The following TRAF4 variants were observed in gnomAD, a reference collection of about 807,000 sequenced individuals.
The protein encoded by TRAF4 is TNF receptor associated factor 4, also known as TNF receptor-associated factor 4.
Under a neutral mutation model 47.3 loss-of-function variants are expected in TRAF4, and 9 were observed. That is an observed-to-expected ratio of 0.19 (90% CI 0.11 to 0.33). The LOEUF (loss-of-function observed/expected upper bound fraction) is 0.33. Among genes scored for constraint, TRAF4 ranks in the 10% least tolerant of loss-of-function variants. TRAF4 has a pLI of 1.00. For synonymous variants in TRAF4, 236 were observed against 236.9 expected, an observed-to-expected ratio of 1.00 and a Z score of 0.04; for missense variants, 448 against 620.3, an observed-to-expected ratio of 0.72 and a Z score of 2.95.
chr17:28,747,396 C>A (rs968413198), intron 2 of TRAF4, 132 bp downstream of exon 2: 1 of 1,107,128 alleles, frequency 9.0e-7, no homozygotes, highest in South Asian at 1.6e-5. Context: ...ACAAAGGTAG[C>A]CTGTTCCCTC....
chr17:28,744,156 G>A lies in TRAF4; in HGVS notation c.44G>A (p.Arg15Gln), dbSNP rs752558877. 5 of 1,594,192 alleles carry A rather than the reference G, an allele frequency of 3.1e-6. No homozygotes were observed. Among genetic ancestry groups the A allele is most frequent in the Non-Finnish European group, 2.5e-6 (3 of 1,177,698 alleles). ...DYKFLEKPKR[R>Q]LLCPLCGKPM... is the part of the protein sequence containing the mutation. The stretch of plus-strand genomic sequence containing the variant: ...AAGTTCCTGGAGAAGCCCAAGCGAC[G>A]GCTGCTGTGCCCACTGTGCGGGAAG... The change falls in exon 1 of 7, where the codon CGG (arginine) becomes CAG (glutamine). Residue 15 changes from arginine (R) to glutamine (Q), a missense_variant. Transcript: ENST00000262395.
chr17:28,749,019 G>A lies in TRAF4; in HGVS notation c.855G>A (p.Val285=), dbSNP rs2034560477. The A allele has an allele frequency of 6.2e-6, 10 of 1,613,726 alleles. No homozygotes were observed. The highest frequency in any genetic ancestry group is 5.3e-5 in the African/African-American group (4 of 74,960). Residue 285 remains valine, a synonymous_variant, in exon 7 of 7, where the codon GTG becomes GTA. Transcript: ENST00000262395. ...KPHLAMMCAL[V]SRQRQELQEL... The stretch of plus-strand genomic sequence containing the variant: ...ATCTGGCCATGATGTGTGCCCTGGT[G>A]AGCCGGCAACGGCAGGAGCTGCAGG...
intron 1 of TRAF4, among the ~76,000 whole-genome samples, chr17:28,746,165 G>A (rs2034509706): frequency 6.6e-6 from 1 of 152,240 alleles, no homozygotes; most frequent in African/African-American, 2.4e-5. Context: ...GGGCTCCCAT[G>A]TGGGCTCTGG....
Position 28,748,347 on chromosome 17 carries a change from A to C in TRAF4, c.548A>C (p.His183Pro). ...ARMMRRLLAQ[H>P]ATSECPKRTQ... is the part of the protein sequence containing the mutation. ...ATGATGCGGCGGCTGCTGGCCCAGC[A>C]TGCCACCTCTGAGTGCCCCAAGCGC... Residue 183 changes from histidine to proline, a missense_variant, in exon 5 of 7, where the codon CAT (histidine) becomes CCT (proline). Coordinates refer to ENST00000262395, the MANE Select transcript of TRAF4 (RefSeq NM_004295.4). 1 of 1,613,568 alleles carries C rather than the reference A, an allele frequency of 6.2e-7. No individual in the cohort carries two copies.
chr17:28,749,101 A>T lies in TRAF4; in HGVS notation c.937A>T (p.Lys313Ter). The change falls in exon 7 of 7, where the codon AAG (lysine) becomes TAG (stop). Residue 313 changes from lysine to a stop codon, truncating the protein, a stop_gained. Transcript: ENST00000262395. LOFTEE classifies it high-confidence loss of function. ...SVGSDGVLIWKIGSYGRRLQE... is the reference protein window; with the variant it reads ...SVGSDGVLIW ...GGGCAGTGATGGCGTGCTCATCTGG[A>T]AGATTGGCAGCTATGGACGGCGGCT... is the stretch of plus-strand genomic sequence containing the variant. 1 of 1,614,134 alleles carries T rather than the reference A, an allele frequency of 6.2e-7. No individual in the cohort carries two copies. The highest frequency in any genetic ancestry group is 8.5e-7 in the Non-Finnish European group (1 of 1,180,040).
chr17:28,747,002 G>A (rs2034523520), intron 1 of TRAF4: 1 of 467,130 alleles, frequency 2.1e-6, no homozygotes, highest in Admixed American at 3.8e-5. Flanking sequence ...GCCTCCTCTA[G>A]GCCCAGACCC....
chr17:28,748,612 C>G lies in TRAF4; in HGVS notation c.726C>G (p.Ser242Arg), dbSNP rs1416046580. The G allele has an allele frequency of 7.4e-6, 12 of 1,613,212 alleles. No homozygotes were observed. The South Asian group carries it at 1.3e-4, about 18-fold the overall frequency. ...REDLPGHLKD[S>R]CNTALVLCPF... Reference sequence around the variant, plus strand: ...ACCTGCCAGGCCATCTGAAGGACAGCTGTAACACCGCCCTGGTGCTCTGCC... The same window carrying G: ...ACCTGCCAGGCCATCTGAAGGACAGGTGTAACACCGCCCTGGTGCTCTGCC... Residue 242 changes from serine to arginine, a missense_variant, in exon 6 of 7, where the codon AGC becomes AGG. Coordinates refer to ENST00000262395, the MANE Select transcript of TRAF4 (RefSeq NM_004295.4).
chr17:28,747,724 G>A (rs2151738466), intron 2 of TRAF4, 119 bp from the exon 3 acceptor site: 1 of 920,672 alleles, frequency 1.1e-6, no homozygotes, highest in East Asian at 2.6e-5. Context: ...GAGGGGCAAA[G>A]AGCCCAAGAG....
rs752435116 is a variant in TRAF4 at position 28,748,571 on chromosome 17, A to G, written c.685A>G (p.Thr229Ala). The G allele has an allele frequency of 1.9e-6, 3 of 1,613,358 alleles. No homozygotes were observed. Among genetic ancestry groups the G allele is most frequent in the African/African-American group, 1.3e-5 (1 of 74,932 alleles). The change falls in exon 6 of 7, where the codon ACT (threonine) becomes GCT (alanine). Residue 229 changes from threonine (T) to alanine (A), a missense_variant. Physicochemically the swap from Thr to Ala is moderately conservative, Grantham distance 58 (BLOSUM62 0). Coordinates refer to ENST00000262395, the MANE Select transcript of TRAF4 (RefSeq NM_004295.4). ...CTGCCCCAACCAATGTGGTGTGGGC[A>G]CTGTGGCTCGGGAGGACCTGCCAGG... ...VACPNQCGVG[T>A]VAREDLPGHL...
At position 28,750,065 on chromosome 17, in the gene TRAF4, G is replaced by C. The variant is rs2034580211; in HGVS notation, c.*488G>C. ...GGAGCCCTGATTTTTAATAAATCCG[G>C]AATTGTATTTATTAATTTGCTTCCA... On this transcript the variant is annotated 3_prime_UTR_variant, in exon 7 of 7. Coordinates refer to ENST00000262395, the MANE Select transcript of TRAF4 (RefSeq NM_004295.4). 1.7e-6 allele frequency: 1 copy of C among 583,234 alleles called. No individual in the cohort carries two copies. The highest frequency in any genetic ancestry group is 2.9e-5 in the East Asian group (1 of 35,032). The allele number at this position is 583,234 out of a possible 1,614,324, so 36.1% of individuals were successfully genotyped here. A position where few individuals can be genotyped will look rare whatever the true frequency, so the allele number is the denominator to read the frequency against.
At position 28,750,185 on chromosome 17, in the gene TRAF4, G is replaced by A. The variant is rs949434520; in HGVS notation, c.*608G>A. 4.3e-5 allele frequency: 18 copies of A among 413,958 alleles called. No individual in the cohort carries two copies. The highest frequency in any genetic ancestry group is 4.8e-5 in the Non-Finnish European group (11 of 230,728). The allele number at this position is 413,958 out of a possible 1,614,324, so 25.6% of individuals were successfully genotyped here. On this transcript the variant is annotated 3_prime_UTR_variant, in exon 7 of 7. Coordinates refer to ENST00000262395, the MANE Select transcript of TRAF4 (RefSeq NM_004295.4). ...CAGAGAAGGGCCGCTGCCTGGGTCT[G>A]GCCCCAGGATCCAGCTTACCTGCTG...
In TRAF4 at chr17:28,749,647, A is replaced by T. The variant is rs1341190359; in HGVS notation, c.*70A>T. 36 of 1,577,858 alleles carry T rather than the reference A, an allele frequency of 2.3e-5. No homozygotes were observed. The highest frequency in any genetic ancestry group is 3.0e-5 in the Non-Finnish European group (35 of 1,161,204). On this transcript the variant is annotated 3_prime_UTR_variant, in exon 7 of 7. Transcript: ENST00000262395. ...AGTCAGGCACTGGCTGAACTTGGAGAGGGGGCCGGACCCCCGTCAGCTGCT... is the reference window on the plus strand; with the variant it reads ...AGTCAGGCACTGGCTGAACTTGGAGTGGGGGCCGGACCCCCGTCAGCTGCT...
intron 6 of TRAF4, 122 bp from the exon 7 acceptor site, chr17:28,748,823 C>T: frequency 3.4e-6 from 5 of 1,477,676 alleles, no homozygotes; most frequent in Non-Finnish European, 3.6e-6. Flanking sequence ...TCCTAACACC[C>T]TCTGTCTTCC....
chr17:28,744,276 G>T, intron 1 of TRAF4, 21 bp downstream of exon 1: 3 of 794,760 alleles, frequency 3.8e-6, no homozygotes, highest in Non-Finnish European at 5.8e-6. Context: ...GGGAGCAGGG[G>T]ACAGCGGGGG....
At position 28,749,573 on chromosome 17, in the gene TRAF4, G is replaced by A; in HGVS notation, c.1409G>A (p.Ser470Asn). ...AAVELPRKIL[S>N] is the part of the protein sequence containing the mutation. Reference sequence around the variant, plus strand: ...GTTGAACTGCCCCGGAAGATCCTCAGCTGAGTGCAGGTGGGGTTCGAGGGG... The same window carrying A: ...GTTGAACTGCCCCGGAAGATCCTCAACTGAGTGCAGGTGGGGTTCGAGGGG... Residue 470 changes from serine (S) to asparagine (N), a missense_variant, in exon 7 of 7, where the codon AGC becomes AAC. Transcript: ENST00000262395. 1 of 1,610,628 alleles carries A rather than the reference G, an allele frequency of 6.2e-7. No homozygotes were observed. The highest frequency in any genetic ancestry group is 8.5e-7 in the Non-Finnish European group (1 of 1,178,112).
chr17:28,750,067 A>C lies in TRAF4; in HGVS notation c.*490A>C, dbSNP rs1243294308. The C allele has an allele frequency of 1.7e-6, 1 of 580,024 alleles. No individual in the cohort carries two copies. Among genetic ancestry groups the C allele is most frequent in the African/African-American group, 1.9e-5 (1 of 53,270 alleles). The allele number at this position is 580,024 out of a possible 1,614,324, so 35.9% of individuals were successfully genotyped here. A position where few individuals can be genotyped will look rare whatever the true frequency, so the allele number is the denominator to read the frequency against. On this transcript the variant is annotated 3_prime_UTR_variant, in exon 7 of 7. Transcript: ENST00000262395. ...AGCCCTGATTTTTAATAAATCCGGA[A>C]TTGTATTTATTAATTTGCTTCCAGC...
chr17:28,748,923 T>C (rs1407630892), intron 6 of TRAF4, 22 bp from the exon 7 acceptor site: 5 of 1,593,850 alleles, frequency 3.1e-6, no homozygotes, highest in African/African-American at 1.3e-5. Flanking sequence ...CCTTCCCCCA[T>C]GGCCTGGGGC....
At position 28,748,827 on chromosome 17, in the gene TRAF4, G is replaced by A; in HGVS notation, c.781-118G>A. The A allele has an allele frequency of 8.8e-6, 13 of 1,480,776 alleles. 1 individual carries two copies. In the South Asian group the frequency reaches 1.5e-4, roughly 17 times the overall value. 91.7% of individuals were successfully genotyped at this position (1,480,776 alleles called of 1,614,324 possible). On this transcript the variant is annotated intron_variant, in intron 6 of 6. Coordinates refer to ENST00000262395, the MANE Select transcript of TRAF4 (RefSeq NM_004295.4). ...CTCCAGCCTCTTCCTAACACCCTCTGTCTTCCTCACGTAGAGCTGGGTGCC... is the reference window on the plus strand; with the variant it reads ...CTCCAGCCTCTTCCTAACACCCTCTATCTTCCTCACGTAGAGCTGGGTGCC...
chr17:28,748,430 C>A lies in TRAF4; in HGVS notation c.624+7C>A. ...CGTCTTTGACACCATCCAGGTGAGG[C>A]CTTCCCTGAACTGTGGGTTGCAGGG... On this transcript the variant is annotated splice_region_variant and intron_variant, in intron 5 of 6. Coordinates refer to ENST00000262395, the MANE Select transcript of TRAF4 (RefSeq NM_004295.4). 1.2e-6 allele frequency: 2 copies of A among 1,605,622 alleles called. No individual in the cohort carries two copies. The highest frequency in any genetic ancestry group is 2.2e-5 in the East Asian group (1 of 44,632).
Sources: gnomAD v4.1 joint callset for allele counts (sites outside exome capture counted in the v4.1 genomes callset) on GRCh38, gnomAD v4.1.1 for gene constraint, MANE v1.5 for transcripts, NCBI Gene and HGNC (gene_info 2026-07-23, HGNC 2026-07-21) for gene names.